MAST4: variants seen among roughly 807,000 people sequenced by gnomAD.
The protein encoded by MAST4 is microtubule-associated serine/threonine-protein kinase 4.
A neutral mutation model predicts 162.7 loss-of-function variants in MAST4; 89 were observed. The ratio of observed to expected loss-of-function variants is 0.55; its 90% CI spans 0.46 to 0.65. MAST4 has a LOEUF of 0.65. MAST4 is among the 30% of genes least tolerant of loss of function. MAST4 has a pLI of 0.00. For missense variants in MAST4, 3,153 were observed against 3,374.0 expected, an observed-to-expected ratio of 0.93 and a Z score of 1.62; for synonymous variants, 1,479 against 1,361.1, an observed-to-expected ratio of 1.09 and a Z score of -1.91.
chr5:66,831,573 G>T (rs1171651326), intron 3 of MAST4, among the ~76,000 whole-genome samples: 1 of 152,158 alleles, frequency 6.6e-6, no homozygotes, highest in Non-Finnish European at 1.5e-5. Flanking sequence ...TTTGGACTTT[G>T]AAAAATTATT....
intron 4 of MAST4, among the ~76,000 whole-genome samples, chr5:66,991,042 T>C (rs1750018223): frequency 6.6e-6 from 1 of 152,214 alleles, no homozygotes; most frequent in Non-Finnish European, 1.5e-5. Flanking sequence ...GAAGAAATTC[T>C]GTCCTAAACT....
At chr5:66,626,647 G>GA (rs1744448826) in intron 1 of MAST4, among the ~76,000 whole-genome samples, 1 of 152,202 alleles carries the variant, frequency 6.6e-6, no homozygotes, top group African/African-American at 2.4e-5. Context: ...TGTAAGCAGT[G>GA]TTTCCTGTAT....
chr5:66,741,235 G>C (rs1376665048), intron 1 of MAST4, among the ~76,000 whole-genome samples: 1 of 152,140 alleles, frequency 6.6e-6, no homozygotes, highest in East Asian at 1.9e-4. Flanking sequence ...TCACTAATAT[G>C]ATAGACTAAC....
intron 1 of MAST4, among the ~76,000 whole-genome samples, chr5:66,662,130 T>G (rs1390737009): frequency 6.6e-6 from 1 of 152,028 alleles, no homozygotes; most frequent in African/African-American, 2.4e-5. Flanking sequence ...TCTGGGGATA[T>G]AACAGTGAAG....
intron 3 of MAST4, among the ~76,000 whole-genome samples, chr5:66,813,304 C>T (rs1756564104): frequency 6.6e-6 from 1 of 152,148 alleles, no homozygotes; most frequent in Non-Finnish European, 1.5e-5. Flanking sequence ...TGGGTATAAG[C>T]ATGTTTATTC....
chr5:67,162,535 C>T (rs1233331733), intron 27 of MAST4, 72 bp from the exon 28 acceptor site: 5 of 1,415,052 alleles, frequency 3.5e-6, no homozygotes. Flanking sequence ...TTGAGCTGAG[C>T]ACAATGGTAT....
At chr5:66,908,290 ATCT>A (rs1298307484) in intron 4 of MAST4, among the ~76,000 whole-genome samples, 1 of 152,180 alleles carries the variant, frequency 6.6e-6, no homozygotes, top group Non-Finnish European at 1.5e-5. Flanking sequence ...TGTAGGATTG[ATCT>A]TCTTACCTTT....
intron 5 of MAST4, among the ~76,000 whole-genome samples, chr5:67,071,520 A>T (rs913385148): frequency 6.1e-5 from 9 of 148,102 alleles, no homozygotes; most frequent in African/African-American, 2.0e-4. Flanking sequence ...TGGAAGGCCA[A>T]GGGGGGGGCG....
At chr5:66,847,075 G>A (rs149745381) in intron 3 of MAST4, among the ~76,000 whole-genome samples, 35 of 152,220 alleles carry the variant, frequency 2.3e-4, no homozygotes, top group Admixed American at 5.9e-4. Context: ...AACAATAACT[G>A]AGAGCTATAT....
intron 1 of MAST4, among the ~76,000 whole-genome samples, chr5:66,753,238 A>G (rs1753302513): frequency 6.6e-6 from 1 of 152,234 alleles, no homozygotes; most frequent in Non-Finnish European, 1.5e-5. Flanking sequence ...CACAATTAAG[A>G]GAACTAGAAA....
At chr5:67,102,654 GCA>G (rs1561654880) in intron 9 of MAST4, 43 bp downstream of exon 9, 1 of 1,479,908 alleles carries the variant, frequency 6.8e-7, no homozygotes, top group Admixed American at 1.7e-5. Context: ...AAACGAACAG[GCA>G]CCATAGGTTT....
chr5:66,849,936 A>G (rs1222129666), intron 3 of MAST4, among the ~76,000 whole-genome samples: 1 of 152,190 alleles, frequency 6.6e-6, no homozygotes, highest in Non-Finnish European at 1.5e-5. Flanking sequence ...TTAGATGTTA[A>G]TGGGGTCCTT....
chr5:67,134,565 A>AAG lies in MAST4; in HGVS notation c.2269_2270insAG (p.Arg757LysfsTer61). 6.2e-7 allele frequency: 1 copy of AAG among 1,613,656 alleles called. No individual in the cohort carries two copies. On this transcript the variant is annotated frameshift_variant, in exon 18 of 29. Coordinates refer to ENST00000403625, the MANE Select transcript of MAST4 (RefSeq NM_001164664.2). LOFTEE classifies it high-confidence loss of function. ...ATACATTGCACCAGAAGTGATTCTG[A>AAG]GGCAGGGTTATGGAAAGCCGGTGGA...
chr5:66,780,888 A>G (rs898600257), intron 2 of MAST4, among the ~76,000 whole-genome samples: 1 of 152,108 alleles, frequency 6.6e-6, no homozygotes, highest in Non-Finnish European at 1.5e-5. Flanking sequence ...TGCGTTTACA[A>G]TCCTCTAGCT....
chr5:67,060,934 T>A (rs957364471), intron 5 of MAST4, among the ~76,000 whole-genome samples: 1 of 152,200 alleles, frequency 6.6e-6, no homozygotes, highest in Non-Finnish European at 1.5e-5. Context: ...GACTGTTTCG[T>A]TTTAAAATTT....
intron 1 of MAST4, among the ~76,000 whole-genome samples, chr5:66,657,747 T>C (rs1746644983): frequency 6.6e-6 from 1 of 152,228 alleles, no homozygotes; most frequent in African/African-American, 2.4e-5. Flanking sequence ...TCATTTCCTT[T>C]ATCCATGAAG....
chr5:66,909,663 G>A (rs542674382), intron 4 of MAST4, among the ~76,000 whole-genome samples: 2 of 152,268 alleles, frequency 1.3e-5, no homozygotes, highest in East Asian at 3.9e-4. Flanking sequence ...TACTTTTTGA[G>A]GTCAACATGC....
chr5:66,866,556 A>G (rs1338228028), intron 3 of MAST4, among the ~76,000 whole-genome samples: 4 of 152,314 alleles, frequency 2.6e-5, no homozygotes, highest in East Asian at 3.9e-4. Flanking sequence ...ATAATCCTGT[A>G]TGGCTTTACT....
intron 1 of MAST4, among the ~76,000 whole-genome samples, chr5:66,706,950 T>C (rs74777920): frequency 1.5e-3 from 225 of 152,326 alleles, no homozygotes; most frequent in African/African-American, 5.1e-3. Flanking sequence ...GTCAAGAAAC[T>C]GCGGATGCCG....
Sources: allele counts gnomAD v4.1 joint callset (sites outside exome capture counted in the v4.1 genomes callset), GRCh38; gene constraint gnomAD v4.1.1; transcripts MANE v1.5; gene names NCBI Gene and HGNC (gene_info 2026-07-23, HGNC 2026-07-21).